Variants in ALOX12 observed in about 807,000 individuals in gnomAD.
ALOX12 encodes polyunsaturated fatty acid lipoxygenase ALOX12.
ALOX12 carries 62 observed loss-of-function variants against 85.5 expected under a neutral mutation model. That is an observed-to-expected ratio of 0.73 (90% CI 0.59 to 0.90). The LOEUF is 0.90. Among genes scored for constraint, ALOX12 ranks in the 40% least tolerant of loss-of-function variants. The pLI, the probability that ALOX12 is intolerant of heterozygous loss-of-function variation, is 0.00. For synonymous variants in ALOX12, 299 were observed against 332.7 expected, an observed-to-expected ratio of 0.90 and a Z score of 1.10; for missense variants, 751 against 856.5, an observed-to-expected ratio of 0.88 and a Z score of 1.54.
intron 11 of ALOX12, 136 bp downstream of exon 11, chr17:7,006,743 T>G: frequency 8.2e-7 from 1 of 1,222,776 alleles, no homozygotes; most frequent in Non-Finnish European, 1.1e-6. Context: ...AAAGCATGTG[T>G]ATCCCATTCC....
At chr17:7,001,255 C>G in intron 7 of ALOX12, 1 of 255,588 alleles carries the variant, frequency 3.9e-6, no homozygotes, top group Non-Finnish European at 7.6e-6. Flanking sequence ...CTGGCCTTCT[C>G]TCACTATTCT....
intron 11 of ALOX12, among the ~76,000 whole-genome samples, chr17:7,008,866 C>A (rs1027102543): frequency 6.6e-6 from 1 of 152,144 alleles, no homozygotes; most frequent in African/African-American, 2.4e-5. Context: ...TGACTTATTC[C>A]CCACATTATA....
chr17:7,008,863 T>A (rs559228065), intron 11 of ALOX12, among the ~76,000 whole-genome samples: 1 of 152,330 alleles, frequency 6.6e-6, no homozygotes, highest in East Asian at 1.9e-4. Flanking sequence ...CCATGACTTA[T>A]TCCCCACATT....
rs763156671 is a variant in ALOX12 at position 6,998,715 on chromosome 17, C to A, written c.420C>A (p.Cys140Ter). 6.2e-7 allele frequency: 1 copy of A among 1,613,926 alleles called. No homozygotes were observed. Among genetic ancestry groups the A allele is most frequent in the Non-Finnish European group, 8.5e-7 (1 of 1,179,976 alleles). The change falls in exon 4 of 14, where the codon TGC becomes TGA. Residue 140 changes from cysteine (C) to a stop codon, truncating the protein, a stop_gained and splice_region_variant. Coordinates refer to ENST00000251535, the MANE Select transcript of ALOX12 (RefSeq NM_000697.3). LOFTEE classifies it high-confidence loss of function. ...CTGAAGCTTTGTCCCCAACTCCTAG[C>A]TGGGCCACCTGGAAGGAAGGGTTAC... ...KELKDRQQIY[C>*]WATWKEGLPL... is the part of the protein sequence containing the mutation.
At position 7,001,731 on chromosome 17, in the gene ALOX12, TTGC is replaced by T. The variant is rs1270913681; in HGVS notation, c.1084_1086del (p.Leu362del). On this transcript the variant is annotated inframe_deletion, in exon 8 of 14. Transcript: ENST00000251535. Reference sequence around the variant, plus strand: ...CCAACTGCACGAGATCCAGTATCACTTGCTGAACACTCACCTGGTGGCTGAGGT... The same window carrying T: ...CCAACTGCACGAGATCCAGTATCACTTGAACACTCACCTGGTGGCTGAGGT... The T allele has an allele frequency of 3.4e-5, 55 of 1,613,992 alleles. No homozygotes were observed. The highest frequency in any genetic ancestry group is 4.4e-5 in the Non-Finnish European group (52 of 1,179,992).
chr17:6,999,183 T>C, intron 5 of ALOX12, 123 bp from the exon 6 acceptor site: 1 of 1,495,508 alleles, frequency 6.7e-7, no homozygotes, highest in Admixed American at 1.9e-5. Context: ...CAGAGAGGCC[T>C]TGAGAATGAA....
chr17:7,004,099 ATATTAAAT>A (rs1908865180), intron 8 of ALOX12, among the ~76,000 whole-genome samples: 1 of 130,656 alleles, frequency 7.7e-6, no homozygotes, highest in Admixed American at 8.5e-5. Context: ...TTTTAATTTA[ATATTAAAT>A]TAAAATTTTA....
chr17:6,998,467 CCAGA>C (rs1204771976), intron 2 of ALOX12, 38 bp from the exon 3 acceptor site: 1 of 1,365,678 alleles, frequency 7.3e-7, no homozygotes, highest in Non-Finnish European at 1.0e-6. Context: ...GGGCATAGGA[CCAGA>C]CAGAGCCGTG....
chr17:6,998,836 G>A lies in ALOX12; in HGVS notation c.541G>A (p.Gly181Arg). ...RLDFEWTLKA[G>R]ALEMALKRVY... ...GGACTTTGAATGGACACTGAAGGCA[G>A]GGTGAGAAAAAGGCTAGACCTCGGA... The change falls in exon 4 of 14, where the codon GGG becomes AGG. Residue 181 changes from glycine (G) to arginine (R), a missense_variant and splice_region_variant. Physicochemically the swap from Gly to Arg is moderately radical, Grantham distance 125. Transcript: ENST00000251535. 3 of 1,614,184 alleles carry A rather than the reference G, an allele frequency of 1.9e-6. No individual in the cohort carries two copies. The highest frequency in any genetic ancestry group is 3.3e-4 in the Middle Eastern group (2 of 6,060).
At chr17:7,005,150 A>C in intron 8 of ALOX12, 107 bp from the exon 9 acceptor site, 2 of 981,770 alleles carry the variant, frequency 2.0e-6, no homozygotes, top group African/African-American at 1.6e-5. Flanking sequence ...TCAGCCTGTA[A>C]AGGAAAGCAT....
chr17:6,996,547 G>A (rs938636072), intron 1 of ALOX12, among the ~76,000 whole-genome samples: 4 of 151,326 alleles, frequency 2.6e-5, no homozygotes, highest in Non-Finnish European at 5.9e-5. Context: ...GAGGTCAGAC[G>A]TGAAGCTCCT....
chr17:7,004,135 A>ATT (rs1908875540), intron 8 of ALOX12, among the ~76,000 whole-genome samples: 2 of 140,472 alleles, frequency 1.4e-5, no homozygotes, highest in African/African-American at 2.6e-5. Flanking sequence ...TTTTAAATAA[A>ATT]TAATTAAAAT....
chr17:7,001,711 T>C lies in ALOX12; in HGVS notation c.1061T>C (p.Leu354Pro), dbSNP rs746304317. The C allele has an allele frequency of 1.2e-6, 2 of 1,614,006 alleles. No individual in the cohort carries two copies. The highest frequency in any genetic ancestry group is 1.3e-5 in the African/African-American group (1 of 74,912). ...TGGGTCCGAAATTCAGATTTCCAAC[T>C]GCACGAGATCCAGTATCACTTGCTG... ...KSWVRNSDFQ[L>P]HEIQYHLLNT... The change falls in exon 8 of 14, where the codon CTG (leucine) becomes CCG (proline). Residue 354 changes from leucine to proline, a missense_variant. Leu to Pro is a moderately conservative substitution (Grantham distance 98). Coordinates refer to ENST00000251535, the MANE Select transcript of ALOX12 (RefSeq NM_000697.3).
Position 7,010,397 on chromosome 17 carries a change from T to C in ALOX12, c.1966T>C (p.Cys656Arg). The C allele has an allele frequency of 6.2e-7, 1 of 1,614,204 alleles. No individual in the cohort carries two copies. The highest frequency in any genetic ancestry group is 8.5e-7 in the Non-Finnish European group (1 of 1,180,044). The change falls in exon 14 of 14, where the codon TGC (cysteine) becomes CGC (arginine). Residue 656 changes from cysteine (C) to arginine (R), a missense_variant. Physicochemically the swap from Cys to Arg is radical, Grantham distance 180 (BLOSUM62 -3). Coordinates refer to ENST00000251535, the MANE Select transcript of ALOX12 (RefSeq NM_000697.3). ...GCCCTATGAATATCTGAAGCCCAGC[T>C]GCATAGAGAACAGTGTCACCATCTG... The part of the protein sequence containing the change: ...DWPYEYLKPS[C>R]IENSVTI
rs1386399509 is a variant in ALOX12 at position 7,001,496 on chromosome 17, AC to A, written c.952-104del. On this transcript the variant is annotated intron_variant, in intron 7 of 13. Transcript: ENST00000251535. ...TTCACAGTCCTCCTGCTAGACTATA[AC>A]CTCCTAGAAGGCAATAATCTTACTT... The A allele has an allele frequency of 1.1e-5, 13 of 1,180,950 alleles. No individual in the cohort carries two copies. In the South Asian group the frequency reaches 1.8e-4, roughly 16 times the overall value. 73.2% of individuals were successfully genotyped at this position (1,180,950 alleles called of 1,614,324 possible).
rs1223046066 is a variant in ALOX12 at position 6,996,095 on chromosome 17, C to T, written c.-23C>T. On this transcript the variant is annotated 5_prime_UTR_variant, in exon 1 of 14. Coordinates refer to ENST00000251535, the MANE Select transcript of ALOX12 (RefSeq NM_000697.3). ...GAATCGCACAGGACCCGGCTCCCCT[C>T]GCCTAAGCTGCTGGGGGGCGCCATG... 6.4e-6 allele frequency: 8 copies of T among 1,245,356 alleles called. No homozygotes were observed. The highest frequency in any genetic ancestry group is 3.2e-5 in the East Asian group (1 of 31,698). 77.1% of individuals were successfully genotyped at this position (1,245,356 alleles called of 1,614,324 possible).
Position 6,996,170 on chromosome 17 carries a change from C to G in ALOX12, c.53C>G (p.Ser18Trp), listed in dbSNP as rs1446037717. ...VATGAWLFSG[S>W]YNRVQLWLVG... ...ACCGGGGCCTGGCTCTTCTCCGGGT[C>G]GTACAACCGCGTGCAGCTTTGGCTG... The change falls in exon 1 of 14, where the codon TCG becomes TGG. Residue 18 changes from serine to tryptophan, a missense_variant. Coordinates refer to ENST00000251535, the MANE Select transcript of ALOX12 (RefSeq NM_000697.3). The G allele has an allele frequency of 8.0e-7, 1 of 1,253,278 alleles. No individual in the cohort carries two copies. The highest frequency in any genetic ancestry group is 3.1e-5 in the East Asian group (1 of 31,868). 77.6% of individuals were successfully genotyped at this position (1,253,278 alleles called of 1,614,324 possible). A position where few individuals can be genotyped will look rare whatever the true frequency, so the allele number is the denominator to read the frequency against.
At chr17:6,998,074 G>A (rs951837088) in intron 2 of ALOX12, among the ~76,000 whole-genome samples, 1 of 152,092 alleles carries the variant, frequency 6.6e-6, no homozygotes, top group Non-Finnish European at 1.5e-5. Flanking sequence ...AATCTTTTGA[G>A]GACAGGTGAA....
chr17:6,996,739 G>A (rs1908456678), intron 1 of ALOX12, 87 bp from the exon 2 acceptor site: 3 of 1,444,952 alleles, frequency 2.1e-6, no homozygotes, highest in Non-Finnish European at 2.8e-6. Context: ...CTGAGAAACT[G>A]AGGTTGCACA....
Sources: gnomAD v4.1 joint callset for allele counts (sites outside exome capture counted in the v4.1 genomes callset) on GRCh38, gnomAD v4.1.1 for gene constraint, MANE v1.5 for transcripts, NCBI Gene and HGNC (gene_info 2026-07-23, HGNC 2026-07-21) for gene names.